The following FAM135B variants were observed in gnomAD, a reference collection of about 807,000 sequenced individuals.
FAM135B encodes protein FAM135B.
A neutral mutation model predicts 127.7 loss-of-function variants in FAM135B; 43 were observed. That is an observed-to-expected ratio of 0.34 (90% CI 0.26 to 0.43). FAM135B has a LOEUF of 0.43. Ranked by LOEUF, FAM135B falls within the 20% of genes least tolerant of loss-of-function variation. FAM135B has a pLI of 1.00. For synonymous variants in FAM135B, 670 were observed against 665.1 expected (o/e 1.01, Z -0.11); for missense variants, 1,558 against 1,725.6 (o/e 0.90, Z 1.72).
chr8:138,175,733 T>G (rs1814394051), intron 11 of FAM135B, among the ~76,000 whole-genome samples: 1 of 152,222 alleles, frequency 6.6e-6, no homozygotes, highest in Non-Finnish European at 1.5e-5. Flanking sequence ...CCCATTTCTC[T>G]TCATTTTCTA....
intron 1 of FAM135B, among the ~76,000 whole-genome samples, chr8:138,405,446 G>C (rs1365916691): frequency 6.9e-6 from 1 of 144,866 alleles, no homozygotes; most frequent in Admixed American, 7.3e-5. Context: ...TCCCACCTAT[G>C]AGTGAGAACA....
chr8:138,314,778 G>A (rs1563888840), intron 2 of FAM135B, among the ~76,000 whole-genome samples: 1 of 150,698 alleles, frequency 6.6e-6, no homozygotes. Flanking sequence ...TACTTGAAGG[G>A]CTGAGGTGGG....
rs768548298 is a variant in FAM135B at position 138,242,924 on chromosome 8, G to T, written c.669+18C>A. 2 of 1,605,460 alleles carry T rather than the reference G, an allele frequency of 1.2e-6. No individual in the cohort carries two copies. Among genetic ancestry groups the T allele is most frequent in the Non-Finnish European group, 1.7e-6 (2 of 1,177,294 alleles). ...AAAGTTTGAAAGTTTTGAAGCAACT[G>T]CCCCACACAGGCCTTACCTCTGAGG... On this transcript the variant is annotated intron_variant, in intron 7 of 19. Coordinates refer to ENST00000395297, the MANE Select transcript of FAM135B (RefSeq NM_015912.4). The surrounding 1 kb of genome is among the most constrained non-coding windows in gnomAD (Gnocchi z 9.6).
intron 1 of FAM135B, among the ~76,000 whole-genome samples, chr8:138,382,635 A>T (rs543731098): frequency 6.6e-6 from 1 of 152,308 alleles, no homozygotes; most frequent in East Asian, 1.9e-4. Context: ...TGCACAGGAT[A>T]ACTGTGAAAA....
At position 138,178,650 on chromosome 8, in the gene FAM135B, T is replaced by C; in HGVS notation, c.914A>G (p.Lys305Arg). 1 of 1,614,104 alleles carries C rather than the reference T, an allele frequency of 6.2e-7. No individual in the cohort carries two copies. Among genetic ancestry groups the C allele is most frequent in the Non-Finnish European group, 8.5e-7 (1 of 1,180,022 alleles). ...GTGGGACGTGAGCCAGGCCAGATCC[T>C]TGCTTATCTGCTCAGCGATCTTCTC... ...NPEKIAEQIS[K>R]DLAWLTSHMM... is the part of the protein sequence containing the mutation. Residue 305 changes from lysine to arginine, a missense_variant, in exon 10 of 20, where the codon AAG becomes AGG. Physicochemically the swap from Lys to Arg is conservative, Grantham distance 26. Transcript: ENST00000395297.
At chr8:138,272,109 T>C (rs572046209) in intron 3 of FAM135B, among the ~76,000 whole-genome samples, 9 of 152,170 alleles carry the variant, frequency 5.9e-5, no homozygotes, top group Non-Finnish European at 1.2e-4. Flanking sequence ...CTGGTAAAGA[T>C]AAAACAATGA....
chr8:138,230,844 A>G (rs1289526287), intron 7 of FAM135B, among the ~76,000 whole-genome samples: 1 of 152,094 alleles, frequency 6.6e-6, no homozygotes, highest in Non-Finnish European at 1.5e-5. Flanking sequence ...TTCCTTGACA[A>G]TATAATTTTG....
chr8:138,299,586 T>A (rs75404282), intron 3 of FAM135B, among the ~76,000 whole-genome samples: 2 of 142,880 alleles, frequency 1.4e-5, no homozygotes, highest in Admixed American at 7.0e-5. Context: ...CATACACACA[T>A]ACACACACAC....
intron 7 of FAM135B, among the ~76,000 whole-genome samples, chr8:138,213,903 T>C (rs1005095322): frequency 1.7e-4 from 26 of 152,020 alleles, no homozygotes; most frequent in African/African-American, 6.3e-4. Context: ...TGGCTGGAAG[T>C]CTGCTCTCAA....
At chr8:138,142,929 T>C (rs1482743057) in intron 16 of FAM135B, 83 bp downstream of exon 16, 7 of 744,212 alleles carry the variant, frequency 9.4e-6, no homozygotes, top group African/African-American at 3.5e-5. Context: ...ACAGAAGGCA[T>C]CATATTATTG....
At chr8:138,273,829 C>A (rs1230120749) in intron 3 of FAM135B, among the ~76,000 whole-genome samples, 1 of 152,132 alleles carries the variant, frequency 6.6e-6, no homozygotes, top group East Asian at 1.9e-4. Context: ...TGTTGTAGAA[C>A]CCTAGGTCAT....
At chr8:138,396,975 A>G (rs1832888403) in intron 1 of FAM135B, among the ~76,000 whole-genome samples, 1 of 152,218 alleles carries the variant, frequency 6.6e-6, no homozygotes, top group African/African-American at 2.4e-5. Flanking sequence ...TAAAAAATGT[A>G]TAAAATCAGG....
intron 7 of FAM135B, among the ~76,000 whole-genome samples, chr8:138,229,042 CGTGTGTGT>C (rs35367239): frequency 6.6e-6 from 1 of 150,902 alleles, no homozygotes; most frequent in Non-Finnish European, 1.5e-5. Flanking sequence ...AACACTCACA[CGTGTGTGT>C]GTGTGTGTGT....
Position 138,130,851 on chromosome 8 carries a change from G to A in FAM135B, c.*1742C>T, listed in dbSNP as rs765209460. The A allele has an allele frequency of 6.6e-6, 1 of 152,216 alleles. No individual in the cohort carries two copies. The highest frequency in any genetic ancestry group is 1.5e-5 in the Non-Finnish European group (1 of 68,076). The allele number at this position is 152,216 out of a possible 1,614,324, so 9.4% of individuals were successfully genotyped here. Reference sequence around the variant, plus strand: ...CAGATAAAAATCCCCAGTGGAAAGTGACCAGAGGACTCAGTGAACCCATAT... The same window carrying A: ...CAGATAAAAATCCCCAGTGGAAAGTAACCAGAGGACTCAGTGAACCCATAT... On this transcript the variant is annotated 3_prime_UTR_variant, in exon 20 of 20. Coordinates refer to ENST00000395297, the MANE Select transcript of FAM135B (RefSeq NM_015912.4).
chr8:138,207,000 C>G (rs1013126547), intron 7 of FAM135B, among the ~76,000 whole-genome samples: 2 of 152,198 alleles, frequency 1.3e-5, no homozygotes, highest in African/African-American at 4.8e-5. Context: ...GCTCCAGCAT[C>G]AAAGGATCCT....
rs149613835 is a variant in FAM135B at position 138,298,843 on chromosome 8, A to G, written c.157+11998T>C. Among the ~76,000 whole-genome samples, 410 of 152,178 alleles carry G rather than the reference A, an allele frequency of 2.7e-3. 1 individual carries two copies. Among genetic ancestry groups the G allele is most frequent in the African/African-American group, 9.6e-3 (398 of 41,508 alleles). On this transcript the variant is annotated intron_variant, in intron 3 of 19. Transcript: ENST00000395297. Reference sequence around the variant, plus strand: ...ATCAGGACCTCTGAAATGCAAAATGAGAAAGGGGAGTGTTCTCAGGGTAAC... The same window carrying G: ...ATCAGGACCTCTGAAATGCAAAATGGGAAAGGGGAGTGTTCTCAGGGTAAC...
At chr8:138,309,526 T>C (rs1443613426) in intron 3 of FAM135B, among the ~76,000 whole-genome samples, 1 of 152,238 alleles carries the variant, frequency 6.6e-6, no homozygotes, top group Non-Finnish European at 1.5e-5. Flanking sequence ...CCTATTGCTC[T>C]GAAACCACAG....
intron 2 of FAM135B, among the ~76,000 whole-genome samples, chr8:138,341,402 G>T (rs1365891627): frequency 6.6e-6 from 1 of 152,108 alleles, no homozygotes; most frequent in African/African-American, 2.4e-5. Flanking sequence ...TGGTTGCCAG[G>T]GCAGGGAGAA....
At chr8:138,145,081 C>T (rs540978060) in intron 15 of FAM135B, among the ~76,000 whole-genome samples, 2 of 152,224 alleles carry the variant, frequency 1.3e-5, no homozygotes, top group African/African-American at 4.8e-5. Context: ...GTGGTGCAAT[C>T]ACAGTTCACT....
Sources: allele counts gnomAD v4.1 joint callset (sites outside exome capture counted in the v4.1 genomes callset), GRCh38; gene constraint gnomAD v4.1.1; non-coding constraint Gnocchi (gnomAD v3.1); transcripts MANE v1.5; gene names NCBI Gene and HGNC (gene_info 2026-07-23, HGNC 2026-07-21).